Variants in CTXN2 observed in about 807,000 individuals in gnomAD.
CTXN2 encodes cortexin 2.
A neutral mutation model predicts 5.7 loss-of-function variants in CTXN2; 3 were observed. The ratio of observed to expected loss-of-function variants is 0.53; its 90% CI spans 0.24 to 1.36. The LOEUF (loss-of-function observed/expected upper bound fraction) is 1.36. Among genes scored for constraint, CTXN2 ranks in the 40% most tolerant of loss-of-function variants. The probability of loss-of-function intolerance (pLI) is 0.17; values close to 1 mark genes in which losing one functional copy is unlikely to be tolerated. For synonymous variants in CTXN2, 38 were observed against 36.4 expected, an observed-to-expected ratio of 1.04 and a Z score of -0.16; for missense variants, 87 against 93.0, an observed-to-expected ratio of 0.94 and a Z score of 0.26.
chr15:48,179,878 A>C (rs146736032), intron 1 of CTXN2, among the ~76,000 whole-genome samples: 1 of 152,314 alleles, frequency 6.6e-6, no homozygotes, highest in East Asian at 1.9e-4. Flanking sequence ...GCTATTGTTG[A>C]ATTCAGTATG....
chr15:48,201,158 T>A (rs1294709830), intron 1 of CTXN2, 86 bp from the exon 2 acceptor site: 1 of 770,772 alleles, frequency 1.3e-6, no homozygotes, highest in Non-Finnish European at 2.0e-6. Flanking sequence ...GTCAAGAAGG[T>A]TTGAAAAACG....
At position 48,201,393 on chromosome 15, in the gene CTXN2, T is replaced by G; in HGVS notation, c.93T>G (p.Phe31Leu). Reference sequence around the variant, plus strand: ...TGACTCTGGAGCAAAAAACTGGCTTTGCTTTTGTTGGGATTTTGTGTATCT... The same window carrying G: ...TGACTCTGGAGCAAAAAACTGGCTTGGCTTTTGTTGGGATTTTGTGTATCT... ...FSLTLEQKTG[F>L]AFVGILCIFL... Residue 31 changes from phenylalanine to leucine, a missense_variant, in exon 2 of 2, where the codon TTT (phenylalanine) becomes TTG (leucine). Physicochemically the swap from Phe to Leu is conservative, Grantham distance 22. Transcript: ENST00000417307. The G allele has an allele frequency of 6.4e-7, 1 of 1,551,428 alleles. No individual in the cohort carries two copies. Among genetic ancestry groups the G allele is most frequent in the Non-Finnish European group, 8.7e-7 (1 of 1,146,764 alleles).
At chr15:48,198,066 C>T (rs2040895735) in intron 1 of CTXN2, among the ~76,000 whole-genome samples, 1 of 152,062 alleles carries the variant, frequency 6.6e-6, no homozygotes, top group South Asian at 2.1e-4. Flanking sequence ...TATAAGATGG[C>T]TATATACCTT....
chr15:48,201,468 T>C lies in CTXN2; in HGVS notation c.168T>C (p.Tyr56=), dbSNP rs965042149. 4 of 1,551,334 alleles carry C rather than the reference T, an allele frequency of 2.6e-6. No homozygotes were observed. Among genetic ancestry groups the C allele is most frequent in the South Asian group, 1.2e-5 (1 of 84,060 alleles). Residue 56 remains tyrosine, a synonymous_variant, in exon 2 of 2, where the codon TAT becomes TAC. Transcript: ENST00000417307. ...GCTTCAAAATCCTGCTAGACCCATATAGTAGCATGCCTTCCTCTACATGGG... is the reference window on the plus strand; with the variant it reads ...GCTTCAAAATCCTGCTAGACCCATACAGTAGCATGCCTTCCTCTACATGGG... The part of the protein sequence containing the change: ...IRCFKILLDP[Y]SSMPSSTWED...
chr15:48,183,441 G>T (rs1197851590), intron 1 of CTXN2, among the ~76,000 whole-genome samples: 1 of 152,154 alleles, frequency 6.6e-6, no homozygotes, highest in Non-Finnish European at 1.5e-5. Flanking sequence ...TACCATGGAG[G>T]TTTTCAGACA....
intron 1 of CTXN2, among the ~76,000 whole-genome samples, chr15:48,196,263 T>G (rs2140984372): frequency 6.6e-6 from 1 of 152,248 alleles, no homozygotes; most frequent in South Asian, 2.1e-4. Context: ...AACAAAGGGC[T>G]TTAGAAGTGT....
Position 48,201,473 on chromosome 15 carries a change from G to A in CTXN2, c.173G>A (p.Ser58Asn). The A allele has an allele frequency of 6.4e-7, 1 of 1,551,276 alleles. No individual in the cohort carries two copies. Among genetic ancestry groups the A allele is most frequent in the South Asian group, 1.2e-5 (1 of 84,056 alleles). ...AAAATCCTGCTAGACCCATATAGTAGCATGCCTTCCTCTACATGGGAAGAT... is the reference window on the plus strand; with the variant it reads ...AAAATCCTGCTAGACCCATATAGTAACATGCCTTCCTCTACATGGGAAGAT... ...CFKILLDPYS[S>N]MPSSTWEDEV... Residue 58 changes from serine (S) to asparagine (N), a missense_variant, in exon 2 of 2, where the codon AGC becomes AAC. By Grantham distance (46) the Ser-to-Asn change is conservative (BLOSUM62 1). Transcript: ENST00000417307.
At chr15:48,194,126 T>A (rs1159118444) in intron 1 of CTXN2, among the ~76,000 whole-genome samples, 1 of 152,132 alleles carries the variant, frequency 6.6e-6, no homozygotes, top group African/African-American at 2.4e-5. Flanking sequence ...TTTGTTTTCA[T>A]CTTTAGTATA....
At chr15:48,180,351 T>C (rs1279021209) in intron 1 of CTXN2, among the ~76,000 whole-genome samples, 1 of 152,250 alleles carries the variant, frequency 6.6e-6, no homozygotes, top group Non-Finnish European at 1.5e-5. Context: ...GGGAAGAGAA[T>C]GATTAATCTT....
chr15:48,192,291 C>CA (rs1164218604), intron 1 of CTXN2: 1 of 158,636 alleles, frequency 6.3e-6, no homozygotes, highest in African/African-American at 2.4e-5. Flanking sequence ...GATTGAGTGT[C>CA]AGAGTCCTTG....
chr15:48,191,619 C>T (rs1310670265), upstream of CTXN2: 1 of 434,386 alleles, frequency 2.3e-6, no homozygotes, highest in Non-Finnish European at 4.6e-6. Flanking sequence ...CGTTTTCCTG[C>T]AAACGCGCGC....
intron 1 of CTXN2, among the ~76,000 whole-genome samples, chr15:48,194,525 C>T (rs964285192): frequency 5.9e-5 from 9 of 152,064 alleles, no homozygotes; most frequent in Admixed American, 5.2e-4. Flanking sequence ...TTTTCCAGTG[C>T]TTAGTTTCCA....
upstream of CTXN2, chr15:48,189,291 A>T (rs1452701096): frequency 6.6e-6 from 1 of 152,374 alleles, no homozygotes. Flanking sequence ...CAAATGATCT[A>T]TGAAACAAGA....
chr15:48,185,859 G>T (rs992524597), intron 1 of CTXN2, among the ~76,000 whole-genome samples: 6 of 152,176 alleles, frequency 3.9e-5, no homozygotes, highest in African/African-American at 1.2e-4. Flanking sequence ...TGTGTTAGTG[G>T]ACTTAGAGTG....
chr15:48,193,341 T>TTA (rs1370133457), intron 1 of CTXN2, among the ~76,000 whole-genome samples: 1 of 152,174 alleles, frequency 6.6e-6, no homozygotes, highest in African/African-American at 2.4e-5. Flanking sequence ...ATTTTAATCA[T>TTA]TATATATATT....
At chr15:48,201,166 A>C (rs1335776712) in intron 1 of CTXN2, 78 bp from the exon 2 acceptor site, 4 of 836,970 alleles carry the variant, frequency 4.8e-6, no homozygotes, top group Non-Finnish European at 7.3e-6. Flanking sequence ...GGTTTGAAAA[A>C]CGTCAGATTT....
chr15:48,179,163 G>A (rs1214563879), intron 1 of CTXN2, among the ~76,000 whole-genome samples: 1 of 151,940 alleles, frequency 6.6e-6, no homozygotes, highest in African/African-American at 2.4e-5. Flanking sequence ...CCTAATTCTC[G>A]AGTACTATAA....
chr15:48,201,088 A>G (rs75187118), intron 1 of CTXN2, among the ~76,000 whole-genome samples, 156 bp from the exon 2 acceptor site: 2,863 of 152,332 alleles, frequency 0.019, 87 homozygotes, highest in African/African-American at 0.066. Flanking sequence ...TAGCATCTCC[A>G]ATGCTAATTT....
chr15:48,195,442 G>T (rs2040868693), intron 1 of CTXN2, among the ~76,000 whole-genome samples: 1 of 152,044 alleles, frequency 6.6e-6, no homozygotes, highest in African/African-American at 2.4e-5. Context: ...TAAGCAAATA[G>T]ATTTCAAACT....
Sources: gnomAD v4.1 joint callset for allele counts (sites outside exome capture counted in the v4.1 genomes callset) on GRCh38, gnomAD v4.1.1 for gene constraint, MANE v1.5 for transcripts, NCBI Gene and HGNC (gene_info 2026-07-23, HGNC 2026-07-21) for gene names.